The following NPAS3 variants were observed in gnomAD, a reference collection of about 807,000 sequenced individuals.
The protein encoded by NPAS3 is neuronal PAS domain protein 3, also known as neuronal PAS domain-containing protein 3.
A neutral mutation model predicts 73.1 loss-of-function variants in NPAS3; 14 were observed. The observed-to-expected ratio is 0.19, with a 90% CI of 0.13 to 0.30. NPAS3 has a LOEUF of 0.30. Among genes scored for constraint, NPAS3 ranks in the 10% least tolerant of loss-of-function variants. The pLI is 1.00. For synonymous variants in NPAS3, 620 were observed against 541.5 expected (o/e 1.14, Z -2.01); for missense variants, 1,096 against 1,250.0 (o/e 0.88, Z 1.86).
intron 2 of NPAS3, among the ~76,000 whole-genome samples, chr14:33,120,096 G>A (rs1431790090): frequency 6.6e-6 from 1 of 152,002 alleles, no homozygotes; most frequent in Non-Finnish European, 1.5e-5. Flanking sequence ...GACTAGCTGG[G>A]ATTATAGGCA....
chr14:33,365,786 A>G (rs982111681), intron 3 of NPAS3, among the ~76,000 whole-genome samples: 2 of 152,226 alleles, frequency 1.3e-5, no homozygotes, highest in African/African-American at 2.4e-5. Context: ...GCATAGCGCA[A>G]TAATCACAAG....
At chr14:33,585,218 G>A (rs898909999) in intron 5 of NPAS3, among the ~76,000 whole-genome samples, 2 of 152,130 alleles carry the variant, frequency 1.3e-5, no homozygotes, top group East Asian at 1.9e-4. Flanking sequence ...CCATGTTAGA[G>A]TAAGGTGGCC....
intron 3 of NPAS3, among the ~76,000 whole-genome samples, chr14:33,357,453 A>T (rs1481057454): frequency 6.6e-6 from 1 of 152,214 alleles, no homozygotes; most frequent in East Asian, 1.9e-4. Flanking sequence ...GTGACACTAT[A>T]GATTTGATAG....
At chr14:33,437,580 T>C (rs2049042296) in intron 4 of NPAS3, among the ~76,000 whole-genome samples, 1 of 145,520 alleles carries the variant, frequency 6.9e-6, no homozygotes. Context: ...GGGAGAGTCC[T>C]TTACTGGAAT....
chr14:33,285,249 T>A (rs1428850395), intron 3 of NPAS3, among the ~76,000 whole-genome samples: 1 of 152,106 alleles, frequency 6.6e-6, no homozygotes, highest in Non-Finnish European at 1.5e-5. Context: ...GAAGCTTGGT[T>A]CCCTCCATGA....
chr14:33,787,173 T>C (rs747036627), intron 9 of NPAS3, among the ~76,000 whole-genome samples: 7 of 152,326 alleles, frequency 4.6e-5, no homozygotes, highest in South Asian at 2.1e-4. Flanking sequence ...CGTAAAATAC[T>C]GTGATCTCAG....
intron 5 of NPAS3, chr14:33,612,355 A>G (rs1036880028): frequency 6.6e-6 from 3 of 454,154 alleles, no homozygotes; most frequent in African/African-American, 6.0e-5. Flanking sequence ...CATCGCCCAC[A>G]TTCTGCTTCC....
At chr14:33,331,153 T>A (rs2043965991) in intron 3 of NPAS3, among the ~76,000 whole-genome samples, 1 of 152,190 alleles carries the variant, frequency 6.6e-6, no homozygotes, top group South Asian at 2.1e-4. Flanking sequence ...AATCATCTTA[T>A]CAGGGTAAGA....
At chr14:33,338,291 A>G (rs4981186) in intron 3 of NPAS3, among the ~76,000 whole-genome samples, 119,038 of 151,708 alleles carry the variant, frequency 0.78, 47,315 homozygotes, top group African/African-American at 0.92. Flanking sequence ...GCTGAATCTA[A>G]TTTTTGTGTT....
chr14:32,942,038 A>G (rs759558435), intron 1 of NPAS3, among the ~76,000 whole-genome samples: 5 of 152,146 alleles, frequency 3.3e-5, no homozygotes, highest in Non-Finnish European at 7.4e-5. Context: ...GAGTAATTCC[A>G]CCTTTATTTG....
At chr14:33,414,468 A>T (rs560315122) in intron 4 of NPAS3, among the ~76,000 whole-genome samples, 2 of 152,266 alleles carry the variant, frequency 1.3e-5, no homozygotes, top group African/African-American at 4.8e-5. Context: ...GATAAAATTC[A>T]ACCTTTAATT....
At position 33,800,482 on chromosome 14, in the gene NPAS3, C is replaced by A; in HGVS notation, c.2175C>A (p.Ala725=). ...CCCCGCCCGGCGCCGACGGCGCGGC[C>A]GCCCGCAAGACTCAGTTCGGCGCCT... The change falls in exon 12 of 12, where the codon GCC becomes GCA. Residue 725 remains alanine, a synonymous_variant. Transcript: ENST00000356141. The surrounding 1 kb of genome is among the most constrained non-coding windows in gnomAD (Gnocchi z 6.5). 6.7e-7 allele frequency: 1 copy of A among 1,481,902 alleles called. No homozygotes were observed. Among genetic ancestry groups the A allele is most frequent in the South Asian group, 1.3e-5 (1 of 75,834 alleles). The allele number at this position is 1,481,902 out of a possible 1,614,324, so 91.8% of individuals were successfully genotyped here.
chr14:33,313,725 G>A (rs552239246), intron 3 of NPAS3, among the ~76,000 whole-genome samples: 19 of 152,084 alleles, frequency 1.2e-4, no homozygotes, highest in Admixed American at 2.0e-4. Context: ...TCACTCTACC[G>A]TATCAAACTT....
chr14:33,156,186 C>T (rs2044640997), intron 2 of NPAS3, among the ~76,000 whole-genome samples: 1 of 152,160 alleles, frequency 6.6e-6, no homozygotes, highest in South Asian at 2.1e-4. Context: ...AATATAGTCT[C>T]AAATGAATAC....
At chr14:33,623,994 G>A (rs1174521984) in intron 5 of NPAS3, among the ~76,000 whole-genome samples, 1 of 152,104 alleles carries the variant, frequency 6.6e-6, no homozygotes, top group African/African-American at 2.4e-5. Context: ...TCTCCTTTTC[G>A]AAGTCTTTGT....
intron 4 of NPAS3, among the ~76,000 whole-genome samples, chr14:33,529,546 G>A (rs1350795741): frequency 1.3e-5 from 2 of 152,048 alleles, no homozygotes; most frequent in African/African-American, 4.8e-5. Context: ...TCCTATATTT[G>A]TAGTGGTGAC....
At chr14:33,638,639 T>C (rs2058592782) in intron 5 of NPAS3, among the ~76,000 whole-genome samples, 1 of 152,234 alleles carries the variant, frequency 6.6e-6, no homozygotes. Context: ...GTGAGAACTT[T>C]GCAGTTGGTA....
chr14:33,768,528 C>G (rs1295984360), intron 7 of NPAS3, among the ~76,000 whole-genome samples: 1 of 152,156 alleles, frequency 6.6e-6, no homozygotes, highest in African/African-American at 2.4e-5. Flanking sequence ...TTCTGAAACT[C>G]CTGCCCCCAC....
Position 33,457,930 on chromosome 14 carries a change from T to C in NPAS3, c.468+90662T>C, listed in dbSNP as rs541852272. Among the ~76,000 whole-genome samples, 4 of 152,318 alleles carry C rather than the reference T, an allele frequency of 2.6e-5. No homozygotes were observed. In the East Asian group the frequency reaches 7.7e-4, roughly 29 times the overall value. Reference sequence around the variant, plus strand: ...GTCTCACTGTATCCTGAAGTCTTTGTATGTAATTTAATATAAACTAAATAA... The same window carrying C: ...GTCTCACTGTATCCTGAAGTCTTTGCATGTAATTTAATATAAACTAAATAA... On this transcript the variant is annotated intron_variant, in intron 4 of 11. Coordinates refer to ENST00000356141, the Ensembl canonical transcript of NPAS3.
Sources: allele counts gnomAD v4.1 joint callset (sites outside exome capture counted in the v4.1 genomes callset), GRCh38; gene constraint gnomAD v4.1.1; non-coding constraint Gnocchi (gnomAD v3.1); transcripts MANE v1.5; gene names NCBI Gene and HGNC (gene_info 2026-07-23, HGNC 2026-07-21).